The following SLC23A1 variants were observed in gnomAD, a reference collection of about 807,000 sequenced individuals.
SLC23A1 encodes solute carrier family 23 member 1, also known as Na(+)/L-ascorbic acid transporter 1.
A neutral mutation model predicts 62.5 loss-of-function variants in SLC23A1; 31 were observed. The observed-to-expected ratio is 0.50, with a 90% CI of 0.37 to 0.67. SLC23A1 has a LOEUF of 0.67. Among genes scored for constraint, SLC23A1 ranks in the 30% least tolerant of loss-of-function variants. The pLI, the probability that SLC23A1 is intolerant of heterozygous loss-of-function variation, is 0.00. For synonymous variants in SLC23A1, 271 were observed against 313.2 expected (o/e 0.87, Z 1.42); for missense variants, 640 against 782.7 (o/e 0.82, Z 2.18).
intron 14 of SLC23A1, among the ~76,000 whole-genome samples, chr5:139,368,117 C>T (rs1273207366): frequency 3.9e-5 from 6 of 152,194 alleles, no homozygotes; most frequent in South Asian, 4.1e-4. Flanking sequence ...GGGCGGATCA[C>T]GAGGTCAGGA....
Position 139,380,371 on chromosome 5 carries a change from C to A in SLC23A1, c.484G>T (p.Val162Leu). ...ATCACCACCTCCACCACGCTGGACA[C>A]CATGATTGCACCCTGGACCTGGAAG... ...RIREVQGAIM[V>L]SSVVEVVIGL... The change falls in exon 6 of 15, where the codon GTG (valine) becomes TTG (leucine). Residue 162 changes from valine to leucine, a missense_variant. By Grantham distance (32) the Val-to-Leu change is conservative. Transcript: ENST00000348729. The A allele has an allele frequency of 5.0e-6, 8 of 1,613,284 alleles. No homozygotes were observed. Among genetic ancestry groups the A allele is most frequent in the Non-Finnish European group, 6.8e-6 (8 of 1,179,714 alleles).
Position 139,383,208 on chromosome 5 carries a change from C to A in SLC23A1, c.36+10G>T. ...TGCCCCCCCTAGCCCCCACCCCCAGCCCCCAGCACCTGTGTCCGGCCCTCG... is the reference window on the plus strand; with the variant it reads ...TGCCCCCCCTAGCCCCCACCCCCAGACCCCAGCACCTGTGTCCGGCCCTCG... On this transcript the variant is annotated intron_variant, in intron 1 of 14. Transcript: ENST00000348729. 1 of 1,487,790 alleles carries A rather than the reference C, an allele frequency of 6.7e-7. No individual in the cohort carries two copies. The allele number at this position is 1,487,790 out of a possible 1,614,324, so 92.2% of individuals were successfully genotyped here.
At chr5:139,368,886 T>G in intron 14 of SLC23A1, 1 of 1,017,436 alleles carries the variant, frequency 9.8e-7, no homozygotes, top group South Asian at 1.3e-5. Context: ...AGCTCTCTTG[T>G]CACTGTGTTA....
intron 14 of SLC23A1, among the ~76,000 whole-genome samples, chr5:139,370,186 T>A (rs1757567923): frequency 6.6e-6 from 1 of 152,184 alleles, no homozygotes; most frequent in African/African-American, 2.4e-5. Context: ...TGGTTGGTTT[T>A]TGGAGACGGA....
In SLC23A1 at chr5:139,380,225, G is replaced by A. The variant is rs1410787856; in HGVS notation, c.630C>T (p.His210=). 1.3e-6 allele frequency: 2 copies of A among 1,560,698 alleles called. No individual in the cohort carries two copies. Among genetic ancestry groups the A allele is most frequent in the Admixed American group, 1.9e-5 (1 of 51,590 alleles). Residue 210 remains histidine (H), a synonymous_variant, in exon 6 of 15, where the codon CAC becomes CAT. Coordinates refer to ENST00000348729, the MANE Select transcript of SLC23A1 (RefSeq NM_005847.5). ...CTGCTCACCAAGCTGAGATGCCCCA[G>A]TGGGAGCCAGCTCGGTCGCCAGCAG... ...FQAAGDRAGS[H]WGISACSILL... is the part of the protein sequence containing the mutation.
At chr5:139,370,552 C>T (rs1437339176) in intron 14 of SLC23A1, among the ~76,000 whole-genome samples, 1 of 151,664 alleles carries the variant, frequency 6.6e-6, no homozygotes, top group African/African-American at 2.4e-5. Context: ...GGAGTGCAGT[C>T]ATGCAATCTC....
At position 139,378,320 on chromosome 5, in the gene SLC23A1, G is replaced by A. The variant is rs774710051; in HGVS notation, c.1211C>T (p.Ala404Val). ...VGSRRVVQYGAAIMLVLGTIG... is the reference protein window; with the variant it reads ...VGSRRVVQYGVAIMLVLGTIG... ...GGTGCCCAGGACCAGCATGATAGCC[G>A]CACCATACTGCACCACGCGCCGGCT... Residue 404 changes from alanine to valine, a missense_variant, in exon 11 of 15, where the codon GCG (alanine) becomes GTG (valine). Ala to Val is a moderately conservative substitution (Grantham distance 64). Coordinates refer to ENST00000348729, the MANE Select transcript of SLC23A1 (RefSeq NM_005847.5). This position sits in a 1 kb window ranked among gnomAD's most constrained non-coding sequence, Gnocchi z 4.5. 5.7e-6 allele frequency: 9 copies of A among 1,577,862 alleles called. No individual in the cohort carries two copies. In the South Asian group the frequency reaches 6.9e-5, roughly 12 times the overall value.
upstream of SLC23A1, chr5:139,384,638 C>G: frequency 8.1e-7 from 1 of 1,229,048 alleles, no homozygotes; most frequent in Non-Finnish European, 1.0e-6. Context: ...AAGCCCGACC[C>G]CCTGCAGATA....
chr5:139,383,372 G>A, upstream of SLC23A1: 2 of 1,518,530 alleles, frequency 1.3e-6, no homozygotes, highest in Non-Finnish European at 1.8e-6. Context: ...GTAACCAGAT[G>A]CCCAGCTCTG....
intron 13 of SLC23A1, among the ~76,000 whole-genome samples, chr5:139,374,562 C>T (rs1757852739): frequency 6.6e-6 from 1 of 152,218 alleles, no homozygotes; most frequent in Non-Finnish European, 1.5e-5. Flanking sequence ...GCCAGCTAGA[C>T]CTTAGTTTGA....
chr5:139,384,496 G>GTCCTC, upstream of SLC23A1: 1 of 1,289,834 alleles, frequency 7.8e-7, no homozygotes, highest in Non-Finnish European at 1.0e-6. Flanking sequence ...CTGTCCGCCT[G>GTCCTC]TCCTCTCCTC....
intron 13 of SLC23A1, 88 bp from the exon 14 acceptor site, chr5:139,372,341 G>T: frequency 8.1e-7 from 1 of 1,228,354 alleles, no homozygotes; most frequent in Non-Finnish European, 1.1e-6. Context: ...GCAGACTTCT[G>T]GAATCAAGTA....
rs1393949517 is a variant in SLC23A1 at position 139,379,650 on chromosome 5, G to A, written c.925+28C>T. On this transcript the variant is annotated intron_variant, in intron 8 of 14. Coordinates refer to ENST00000348729, the MANE Select transcript of SLC23A1 (RefSeq NM_005847.5). This position sits in a 1 kb window ranked among gnomAD's most constrained non-coding sequence, Gnocchi z 4.7. ...GTCTCATAGGTGGTCTCAGTTGGGG[G>A]CAGAGGGGCCCAAGGGGTGTTGCTC... 3 of 1,585,516 alleles carry A rather than the reference G, an allele frequency of 1.9e-6. No individual in the cohort carries two copies. Among genetic ancestry groups the A allele is most frequent in the Non-Finnish European group, 2.6e-6 (3 of 1,162,842 alleles).
chr5:139,371,844 C>T (rs1486215955), intron 14 of SLC23A1, 143 bp downstream of exon 14: 4 of 710,168 alleles, frequency 5.6e-6, no homozygotes, highest in Middle Eastern at 6.1e-4. Context: ...CGTATGTTGA[C>T]TTTTTACCCA....
rs1262016635 is a variant in SLC23A1 at position 139,380,322 on chromosome 5, G to A, written c.533C>T (p.Ala178Val). Residue 178 changes from alanine (A) to valine (V), a missense_variant, in exon 6 of 15, where the codon GCC becomes GTC. Physicochemically the swap from Ala to Val is moderately conservative, Grantham distance 64. Coordinates refer to ENST00000348729, the MANE Select transcript of SLC23A1 (RefSeq NM_005847.5). Reference protein sequence around the residue: ...VVIGLLGLPGALLNYIGPLTV... With the variant: ...VVIGLLGLPGVLLNYIGPLTV... ...GAGAGGCCCAATGTAGTTGAGCAGGGCCCCAGGCAGCCCCAGCAGGCCAAT... is the reference window on the plus strand; with the variant it reads ...GAGAGGCCCAATGTAGTTGAGCAGGACCCCAGGCAGCCCCAGCAGGCCAAT... 1.2e-6 allele frequency: 2 copies of A among 1,608,972 alleles called. No homozygotes were observed. Among genetic ancestry groups the A allele is most frequent in the African/African-American group, 2.7e-5 (2 of 74,766 alleles).
At chr5:139,380,951 G>A (rs1219820532) in intron 3 of SLC23A1, 65 bp from the exon 4 acceptor site, 10 of 770,178 alleles carry the variant, frequency 1.3e-5, no homozygotes, top group Non-Finnish European at 8.7e-6. Context: ...ATAAAGATGC[G>A]GGGAGAGATC....
Position 139,379,600 on chromosome 5 carries a change from G to T in SLC23A1, c.925+78C>A. Reference sequence around the variant, plus strand: ...GCGGCTAATGCTAGGTGTGTCACCTGCTGGATTGGGGTCACCAGGAGTCTG... The same window carrying T: ...GCGGCTAATGCTAGGTGTGTCACCTTCTGGATTGGGGTCACCAGGAGTCTG... On this transcript the variant is annotated intron_variant, in intron 8 of 14. Coordinates refer to ENST00000348729, the MANE Select transcript of SLC23A1 (RefSeq NM_005847.5). The surrounding 1 kb of genome is among the most constrained non-coding windows in gnomAD (Gnocchi z 4.7). The T allele has an allele frequency of 7.2e-7, 1 of 1,383,108 alleles. No homozygotes were observed. The highest frequency in any genetic ancestry group is 1.0e-6 in the Non-Finnish European group (1 of 990,084). 85.7% of individuals were successfully genotyped at this position (1,383,108 alleles called of 1,614,324 possible). A position where few individuals can be genotyped will look rare whatever the true frequency, so the allele number is the denominator to read the frequency against.
chr5:139,384,129 G>A (rs1251058283), upstream of SLC23A1, among the ~76,000 whole-genome samples: 1 of 152,254 alleles, frequency 6.6e-6, no homozygotes, highest in African/African-American at 2.4e-5. Flanking sequence ...TATGCACCAA[G>A]CCCTGTGTGA....
upstream of SLC23A1, chr5:139,384,237 A>G (rs1409541794): frequency 7.7e-6 from 6 of 781,880 alleles, no homozygotes; most frequent in African/African-American, 1.8e-5. Context: ...GAGATGGCAG[A>G]GGGGGACATG....
Sources: allele counts gnomAD v4.1 joint callset (sites outside exome capture counted in the v4.1 genomes callset), GRCh38; gene constraint gnomAD v4.1.1; non-coding constraint Gnocchi (gnomAD v3.1); transcripts MANE v1.5; gene names NCBI Gene and HGNC (gene_info 2026-07-23, HGNC 2026-07-21).